Variants in SUCLG1 observed in about 807,000 individuals in gnomAD.
SUCLG1 encodes the protein succinate--CoA ligase [ADP/GDP-forming] subunit alpha, mitochondrial.
Under a neutral mutation model 37.3 loss-of-function variants are expected in SUCLG1, and 26 were observed. That is an observed-to-expected ratio of 0.70 (90% CI 0.51 to 0.97). The LOEUF is 0.97. Ranked by LOEUF, SUCLG1 falls within the 50% of genes least tolerant of loss-of-function variation. The probability of loss-of-function intolerance (pLI) is 0.00; values close to 1 mark genes in which losing one functional copy is unlikely to be tolerated. For missense variants in SUCLG1, 433 were observed against 432.9 expected, an observed-to-expected ratio of 1.00 and a Z score of 0.00; for synonymous variants, 163 against 155.6, an observed-to-expected ratio of 1.05 and a Z score of -0.36.
intron 1 of SUCLG1, among the ~76,000 whole-genome samples, chr2:84,458,729 G>A (rs1317014508): frequency 6.6e-6 from 1 of 152,074 alleles, no homozygotes; most frequent in African/African-American, 2.4e-5. Context: ...CCGTACTAGG[G>A]ACAGCCTCAT....
intron 2 of SUCLG1, among the ~76,000 whole-genome samples, chr2:84,444,001 T>C (rs1028321740): frequency 6.6e-6 from 1 of 152,204 alleles, no homozygotes; most frequent in Non-Finnish European, 1.5e-5. Context: ...TTCTTTCTTA[T>C]GAGAGGTCAT....
At chr2:84,430,352 G>A (rs992783442) in intron 7 of SUCLG1, among the ~76,000 whole-genome samples, 3 of 152,168 alleles carry the variant, frequency 2.0e-5, no homozygotes, top group African/African-American at 7.2e-5. Context: ...CTGAGGCAAC[G>A]AGAGATTAAG....
chr2:84,445,615 T>C (rs1436369897), intron 2 of SUCLG1, among the ~76,000 whole-genome samples: 1 of 152,150 alleles, frequency 6.6e-6, no homozygotes, highest in Non-Finnish European at 1.5e-5. Flanking sequence ...AGACCAAAAA[T>C]ACTGAAGCCA....
chr2:84,454,326 G>C (rs1418000289), intron 1 of SUCLG1, among the ~76,000 whole-genome samples: 1 of 152,168 alleles, frequency 6.6e-6, no homozygotes, highest in Non-Finnish European at 1.5e-5. Flanking sequence ...ATTTGTAAAG[G>C]CGCAGCCCTC....
intron 1 of SUCLG1, among the ~76,000 whole-genome samples, chr2:84,450,624 C>T (rs1672925722): frequency 6.6e-6 from 1 of 152,090 alleles, no homozygotes; most frequent in South Asian, 2.1e-4. Context: ...TCAAAGTAGC[C>T]AGGCCTTCTA....
At chr2:84,438,732 G>T (rs1020271984) in intron 5 of SUCLG1, among the ~76,000 whole-genome samples, 3 of 152,204 alleles carry the variant, frequency 2.0e-5, no homozygotes, top group African/African-American at 7.2e-5. Context: ...GGGACTTGGA[G>T]AAATTTTCTG....
rs538882069 is a variant in SUCLG1 at position 84,427,041 on chromosome 2, T to C, written c.826-1438A>G. On this transcript the variant is annotated intron_variant, in intron 7 of 8. Transcript: ENST00000393868. The stretch of plus-strand genomic sequence containing the variant: ...TAACATTTTAACACTTTAAAAACCA[T>C]TCTAGTGAGAAGAGTTGCGTTATTT... 3 of 153,910 alleles carry C rather than the reference T, an allele frequency of 1.9e-5. No homozygotes were observed. The South Asian group carries it at 6.2e-4, about 32-fold the overall frequency. 9.5% of individuals were successfully genotyped at this position (153,910 alleles called of 1,614,324 possible).
rs1328640529 is a variant in SUCLG1 at position 84,431,495 on chromosome 2, A to C, written c.825+13T>G. ...AAGAGCAAAGAGCTATGTTTTTCCA[A>C]ACCCAAACTTACTGAATTATGTTGC... On this transcript the variant is annotated intron_variant, in intron 7 of 8. Transcript: ENST00000393868. The C allele has an allele frequency of 1.2e-6, 2 of 1,613,880 alleles. No individual in the cohort carries two copies. Among genetic ancestry groups the C allele is most frequent in the East Asian group, 4.5e-5 (2 of 44,848 alleles).
chr2:84,431,151 C>T (rs1020368066), intron 7 of SUCLG1, among the ~76,000 whole-genome samples: 1 of 152,140 alleles, frequency 6.6e-6, no homozygotes, highest in Non-Finnish European at 1.5e-5. Context: ...GAAAAAACCA[C>T]TTATTTCCCT....
At chr2:84,452,632 TA>T (rs1418021033) in intron 1 of SUCLG1, among the ~76,000 whole-genome samples, 1 of 152,224 alleles carries the variant, frequency 6.6e-6, no homozygotes, top group Admixed American at 6.5e-5. Flanking sequence ...CACATATTCT[TA>T]CTCTTTTCAT....
At position 84,455,831 on chromosome 2, in the gene SUCLG1, G is replaced by A. The variant is rs575160619; in HGVS notation, c.97+3342C>T. Among the ~76,000 whole-genome samples, 457 of 130,326 alleles carry A rather than the reference G, an allele frequency of 3.5e-3. 2 individuals are homozygous for A. The highest frequency in any genetic ancestry group is 0.013 in the African/African-American group (427 of 33,672). 85.5% of individuals were successfully genotyped at this position (130,326 alleles called of 152,430 possible). On this transcript the variant is annotated intron_variant, in intron 1 of 8. Coordinates refer to ENST00000393868, the MANE Select transcript of SUCLG1 (RefSeq NM_003849.4). ...AGCCTGGGCGACAGAGCAAGACTCC[G>A]TCTCAAAACAAAAAAAAAAAAAAAA...
chr2:84,452,468 C>T (rs1021641594), intron 1 of SUCLG1, among the ~76,000 whole-genome samples: 2 of 152,140 alleles, frequency 1.3e-5, no homozygotes, highest in African/African-American at 4.8e-5. Flanking sequence ...AAACATTACA[C>T]AGTCAAGAAT....
chr2:84,431,706 C>G (rs1672616887), intron 6 of SUCLG1, 47 bp from the exon 7 acceptor site: 1 of 1,604,880 alleles, frequency 6.2e-7, no homozygotes, highest in Admixed American at 1.7e-5. Context: ...AAGGGTGAAC[C>G]ATGGAATTTA....
rs1573361557 is a variant in SUCLG1, at chr2:84,425,713, C to T, written c.826-110G>A. 7 of 1,221,068 alleles carry T rather than the reference C, an allele frequency of 5.7e-6. 1 individual carries two copies. The East Asian group carries it at 1.4e-4, about 24-fold the overall frequency. 75.6% of individuals were successfully genotyped at this position (1,221,068 alleles called of 1,614,324 possible). A position where few individuals can be genotyped will look rare whatever the true frequency, so the allele number is the denominator to read the frequency against. ...GTAAATGGCTTGGGCAGGGGAAAGC[C>T]CACCATTCATCTTAGGAAAACCAAC... On this transcript the variant is annotated intron_variant, in intron 7 of 8. Transcript: ENST00000393868.
At chr2:84,456,517 A>G (rs1186049000) in intron 1 of SUCLG1, among the ~76,000 whole-genome samples, 1 of 152,156 alleles carries the variant, frequency 6.6e-6, no homozygotes, top group Admixed American at 6.5e-5. Flanking sequence ...GACCAGTTTT[A>G]AAAAGACCTT....
chr2:84,426,748 A>AGTC (rs1672541221), intron 7 of SUCLG1: 2 of 152,186 alleles, frequency 1.3e-5, no homozygotes, highest in East Asian at 3.8e-4. Context: ...TCATAACAGA[A>AGTC]GTCCAGAGAT....
chr2:84,446,347 C>A (rs1263059515), intron 2 of SUCLG1, among the ~76,000 whole-genome samples: 2 of 152,240 alleles, frequency 1.3e-5, no homozygotes, highest in East Asian at 3.9e-4. Context: ...CAATATGACA[C>A]CTAAATCAAT....
chr2:84,437,859 T>C (rs1672710713), intron 5 of SUCLG1, among the ~76,000 whole-genome samples: 1 of 152,206 alleles, frequency 6.6e-6, no homozygotes, highest in Non-Finnish European at 1.5e-5. Context: ...AGTACATTCA[T>C]ACCATGAATA....
intron 6 of SUCLG1, among the ~76,000 whole-genome samples, chr2:84,431,877 T>C (rs936991944): frequency 2.0e-5 from 3 of 152,242 alleles, no homozygotes; most frequent in African/African-American, 4.8e-5. Flanking sequence ...GGTTGGTTCC[T>C]GATATTCTAG....
Sources: allele counts gnomAD v4.1 joint callset (sites outside exome capture counted in the v4.1 genomes callset), GRCh38; gene constraint gnomAD v4.1.1; transcripts MANE v1.5; gene names NCBI Gene and HGNC (gene_info 2026-07-23, HGNC 2026-07-21).